The following HMGCLL1 variants were observed in gnomAD, a reference collection of about 807,000 sequenced individuals.
HMGCLL1 encodes 3-hydroxymethyl-3-methylglutaryl-CoA lyase, cytoplasmic.
Under a neutral mutation model 39.1 loss-of-function variants are expected in HMGCLL1, and 36 were observed. The observed-to-expected ratio is 0.92, with a 90% CI of 0.71 to 1.22. HMGCLL1 has a LOEUF of 1.22. Ranked by LOEUF, HMGCLL1 falls within the 50% of genes most tolerant of loss-of-function variation. HMGCLL1 has a pLI of 0.00. For synonymous variants in HMGCLL1, 149 were observed against 144.0 expected (o/e 1.03, Z -0.25); for missense variants, 451 against 416.5 (o/e 1.08, Z -0.72).
chr6:55,545,676 G>A (rs1256587255), intron 1 of HMGCLL1, among the ~76,000 whole-genome samples: 2 of 152,076 alleles, frequency 1.3e-5, no homozygotes, highest in Non-Finnish European at 2.9e-5. Flanking sequence ...TATCTGGGGA[G>A]AAATATGTTC....
the HMGCLL1 span, among the ~76,000 whole-genome samples, chr6:55,654,458 G>T: frequency 6.6e-6 from 1 of 151,848 alleles, no homozygotes; most frequent in Non-Finnish European, 1.5e-5. Context: ...AGAATAAGTT[G>T]CTTATGAGCA....
intron 3 of HMGCLL1, among the ~76,000 whole-genome samples, chr6:55,530,600 C>A (rs1161013337): frequency 6.6e-6 from 1 of 151,912 alleles, no homozygotes; most frequent in Non-Finnish European, 1.5e-5. Context: ...AACGTATATT[C>A]TTTTTCTTTT....
chr6:55,455,077 A>C (rs2127391800), intron 7 of HMGCLL1, among the ~76,000 whole-genome samples: 1 of 152,230 alleles, frequency 6.6e-6, no homozygotes, highest in East Asian at 1.9e-4. Flanking sequence ...ACTGCACTCC[A>C]GCCTGGGCTT....
At position 55,473,897 on chromosome 6, in the gene HMGCLL1, G is replaced by A. The variant is rs939558908; in HGVS notation, c.795+21522C>T. On this transcript the variant is annotated intron_variant, in intron 7 of 8. Transcript: ENST00000274901. Reference sequence around the variant, plus strand: ...ACATAGAATCCTAGGTTCTACACTGGTGGGTTTTTACTTTCAGTACTTTAC... The same window carrying A: ...ACATAGAATCCTAGGTTCTACACTGATGGGTTTTTACTTTCAGTACTTTAC... Among the ~76,000 whole-genome samples, 4 of 151,388 alleles carry A rather than the reference G, an allele frequency of 2.6e-5. No individual in the cohort carries two copies. The South Asian group carries it at 6.2e-4, about 24-fold the overall frequency.
intron 3 of HMGCLL1, among the ~76,000 whole-genome samples, chr6:55,523,151 T>C (rs931496346): frequency 5.1e-5 from 4 of 78,948 alleles, no homozygotes; most frequent in Admixed American, 1.5e-4. Context: ...TCAGCCATTG[T>C]CCTGTCTCCA....
the HMGCLL1 span, among the ~76,000 whole-genome samples, chr6:55,625,921 C>T: frequency 6.6e-6 from 1 of 152,136 alleles, no homozygotes; most frequent in Non-Finnish European, 1.5e-5. Flanking sequence ...GTGGACACCA[C>T]TCAGCCTCTT....
chr6:55,543,556 TTATATATTTTTA>T (rs1769766799), intron 1 of HMGCLL1, among the ~76,000 whole-genome samples: 1 of 122,278 alleles, frequency 8.2e-6, no homozygotes, highest in Non-Finnish European at 1.6e-5. Context: ...ACATATATAT[TTATATATTTTTA>T]TATATATTTA....
chr6:55,445,485 T>G (rs1763782917), intron 7 of HMGCLL1, among the ~76,000 whole-genome samples: 1 of 152,092 alleles, frequency 6.6e-6, no homozygotes, highest in African/African-American at 2.4e-5. Context: ...ACATTTTTAC[T>G]TAACCATTGA....
chr6:55,633,923 T>A, the HMGCLL1 span, among the ~76,000 whole-genome samples: 1 of 152,176 alleles, frequency 6.6e-6, no homozygotes, highest in Admixed American at 6.6e-5. Context: ...AACATTCTTC[T>A]GAATAAATTT....
intron 7 of HMGCLL1, among the ~76,000 whole-genome samples, chr6:55,493,171 T>A (rs1766402028): frequency 6.6e-6 from 1 of 152,120 alleles, no homozygotes; most frequent in South Asian, 2.1e-4. Flanking sequence ...AAATAACTCA[T>A]CTGCTTAGGT....
chr6:55,444,559 T>C (rs116077993), intron 7 of HMGCLL1, among the ~76,000 whole-genome samples: 3,175 of 152,070 alleles, frequency 0.021, 124 homozygotes, highest in African/African-American at 0.073. Context: ...TAGAAGATGT[T>C]ATAACAGTAC....
chr6:55,629,255 G>T, the HMGCLL1 span, among the ~76,000 whole-genome samples: 2 of 152,182 alleles, frequency 1.3e-5, no homozygotes, highest in East Asian at 3.9e-4. Flanking sequence ...CTGAAGCAAA[G>T]GTGACTCTTG....
chr6:55,656,123 T>C, the HMGCLL1 span, among the ~76,000 whole-genome samples: 1 of 152,162 alleles, frequency 6.6e-6, no homozygotes, highest in South Asian at 2.1e-4. Flanking sequence ...CAATATCTCA[T>C]TGGAATCTCA....
chr6:55,554,377 G>T (rs1770535053), intron 1 of HMGCLL1, among the ~76,000 whole-genome samples: 1 of 151,940 alleles, frequency 6.6e-6, no homozygotes, highest in African/African-American at 2.4e-5. Flanking sequence ...GGATCCACTT[G>T]CAGAATATGG....
At chr6:55,614,035 T>A in the HMGCLL1 span, among the ~76,000 whole-genome samples, 1 of 152,194 alleles carries the variant, frequency 6.6e-6, no homozygotes, top group Non-Finnish European at 1.5e-5. Flanking sequence ...AATATTGATA[T>A]AATTTTAATG....
At chr6:55,447,470 A>G (rs543496320) in intron 7 of HMGCLL1, among the ~76,000 whole-genome samples, 98 of 152,168 alleles carry the variant, frequency 6.4e-4, no homozygotes, top group African/African-American at 2.2e-3. Context: ...CTTTAAAACT[A>G]GTATTCCTAA....
At chr6:55,526,853 T>C (rs1010496419) in intron 3 of HMGCLL1, among the ~76,000 whole-genome samples, 11 of 152,036 alleles carry the variant, frequency 7.2e-5, no homozygotes, top group African/African-American at 2.7e-4. Context: ...GCTTTCCTTA[T>C]TGAAGTAGGA....
At chr6:55,584,560 G>A in the HMGCLL1 span, among the ~76,000 whole-genome samples, 1 of 152,096 alleles carries the variant, frequency 6.6e-6, no homozygotes, top group South Asian at 2.1e-4. Context: ...GAGTGAGGAG[G>A]GATTTGTGTT....
At position 55,458,475 on chromosome 6, in the gene HMGCLL1, A is replaced by T. The variant is rs1024571431; in HGVS notation, c.796-18916T>A. ...CTGATGAAGGAGTATTTGAGCTGAA[A>T]CCTGAACGAAGTGGGAGGTTAACTA... On this transcript the variant is annotated intron_variant, in intron 7 of 8. Coordinates refer to ENST00000274901, the MANE Select transcript of HMGCLL1 (RefSeq NM_001042406.2). 3.3e-5 allele frequency among the ~76,000 whole-genome samples: 5 copies of T among 152,276 alleles called. No individual in the cohort carries two copies. In the South Asian group the frequency reaches 6.2e-4, roughly 19 times the overall value.
Sources: gnomAD v4.1 joint callset for allele counts (sites outside exome capture counted in the v4.1 genomes callset) on GRCh38, gnomAD v4.1.1 for gene constraint, MANE v1.5 for transcripts, NCBI Gene and HGNC (gene_info 2026-07-23, HGNC 2026-07-21) for gene names.